Variants in RASGRP1 observed in about 807,000 individuals in gnomAD.
RASGRP1 encodes the protein RAS guanyl releasing protein 1, also known as RAS guanyl-releasing protein 1.
In RASGRP1, 37 loss-of-function variants were observed where a neutral mutation model predicts 95.1. That is an observed-to-expected ratio of 0.39 (90% CI 0.30 to 0.51). The LOEUF (loss-of-function observed/expected upper bound fraction) is 0.51, where lower values mean the gene tolerates loss of function less well. Ranked by LOEUF, RASGRP1 falls within the 20% of genes least tolerant of loss-of-function variation. RASGRP1 has a pLI of 0.80. For synonymous variants in RASGRP1, 325 were observed against 353.4 expected, an observed-to-expected ratio of 0.92 and a Z score of 0.90; for missense variants, 711 against 965.4, an observed-to-expected ratio of 0.74 and a Z score of 3.49.
At chr15:38,560,558 C>G (rs1005666123) in intron 1 of RASGRP1, among the ~76,000 whole-genome samples, 2 of 152,108 alleles carry the variant, frequency 1.3e-5, no homozygotes, top group Admixed American at 6.5e-5. Context: ...TCAGAATCAT[C>G]GTTAAGGACC....
intron 11 of RASGRP1, among the ~76,000 whole-genome samples, chr15:38,502,623 G>A (rs1891080947): frequency 6.6e-6 from 1 of 152,184 alleles, no homozygotes; most frequent in Non-Finnish European, 1.5e-5. Context: ...CATGTGGGGG[G>A]TGGCCATGTA....
At chr15:38,500,185 G>A in intron 13 of RASGRP1, 46 bp from the exon 14 acceptor site, 1 of 1,594,136 alleles carries the variant, frequency 6.3e-7, no homozygotes, top group Non-Finnish European at 8.6e-7. Context: ...TCATCCATCT[G>A]GTGTGAGGCT....
intron 3 of RASGRP1, among the ~76,000 whole-genome samples, chr15:38,521,293 G>A (rs938211469): frequency 6.6e-6 from 1 of 152,118 alleles, no homozygotes; most frequent in Non-Finnish European, 1.5e-5. Flanking sequence ...TTTTAAAGGG[G>A]AAGGCACAAA....
intron 3 of RASGRP1, among the ~76,000 whole-genome samples, chr15:38,524,784 G>A (rs1468591373): frequency 1.3e-5 from 2 of 152,078 alleles, no homozygotes; most frequent in African/African-American, 2.4e-5. Flanking sequence ...ACTTGAATGT[G>A]TTTTAGGCTG....
intron 15 of RASGRP1, among the ~76,000 whole-genome samples, chr15:38,498,187 G>A (rs986593544): frequency 6.6e-6 from 1 of 152,234 alleles, no homozygotes; most frequent in Non-Finnish European, 1.5e-5. Flanking sequence ...CAGTAAGTCT[G>A]GTTCTGGTCA....
chr15:38,534,773 C>T (rs577112782), intron 2 of RASGRP1: 1 of 152,398 alleles, frequency 6.6e-6, no homozygotes, highest in African/African-American at 2.4e-5. Flanking sequence ...CCCTCAACTC[C>T]TGTTGCAGAG....
In RASGRP1 at chr15:38,494,441, T is replaced by C; in HGVS notation, c.2200A>G (p.Ile734Val). Reference sequence around the variant, plus strand: ...TGACGGAGCTCCTCCTTTGATTTTATGAGGGAGTCTTTATTCTCCCACTTG... The same window carrying C: ...TGACGGAGCTCCTCCTTTGATTTTACGAGGGAGTCTTTATTCTCCCACTTG... The part of the protein sequence containing the change: ...FVKWENKDSL[I>V]KSKEELRHLR... The change falls in exon 16 of 17, where the codon ATA (isoleucine) becomes GTA (valine). Residue 734 changes from isoleucine (I) to valine (V), a missense_variant. Ile to Val is a conservative substitution (Grantham distance 29). This residue lies in a region of RASGRP1 where 212 missense variants were observed against 247.8 expected (regional missense o/e 0.86). Transcript: ENST00000310803. The C allele has an allele frequency of 6.2e-7, 1 of 1,613,636 alleles. No homozygotes were observed. The highest frequency in any genetic ancestry group is 8.5e-7 in the Non-Finnish European group (1 of 1,179,774).
intron 2 of RASGRP1, among the ~76,000 whole-genome samples, chr15:38,547,644 C>A (rs775941538): frequency 1.2e-4 from 19 of 152,290 alleles, no homozygotes; most frequent in South Asian, 2.1e-4. Flanking sequence ...TAAATTTCCA[C>A]CCAAAGTAAA....
intron 10 of RASGRP1, chr15:38,503,601 C>T (rs1278978430): frequency 2.4e-5 from 13 of 541,056 alleles, no homozygotes; most frequent in Admixed American, 1.7e-4. Flanking sequence ...ACATTATCTG[C>T]AGCTACAGAT....
intron 1 of RASGRP1, among the ~76,000 whole-genome samples, chr15:38,562,229 A>G (rs940519823): frequency 6.6e-6 from 1 of 152,246 alleles, no homozygotes. Flanking sequence ...CTTCAAAAGC[A>G]TAACTGGTAA....
chr15:38,560,428 T>C (rs1893757246), intron 1 of RASGRP1: 1 of 242,374 alleles, frequency 4.1e-6, no homozygotes, highest in Non-Finnish European at 8.2e-6. Context: ...ACGTCTGTAA[T>C]CCCAGCACCT....
At chr15:38,494,341 C>G in intron 16 of RASGRP1, 41 bp downstream of exon 16, 5 of 1,606,880 alleles carry the variant, frequency 3.1e-6, no homozygotes, top group East Asian at 4.5e-5. Flanking sequence ...CCCCACTTCT[C>G]TAAGATAGTC....
At chr15:38,564,473 C>T (rs1274601188) in intron 1 of RASGRP1, 121 bp downstream of exon 1, 14 of 944,160 alleles carry the variant, frequency 1.5e-5, no homozygotes, top group African/African-American at 1.8e-5. Context: ...TCCCGGGACT[C>T]CGGCCGACCC....
intron 2 of RASGRP1, among the ~76,000 whole-genome samples, chr15:38,535,863 T>C (rs955156785): frequency 2.0e-5 from 3 of 152,220 alleles, no homozygotes; most frequent in South Asian, 2.1e-4. Flanking sequence ...GGACTTGTCA[T>C]GTCTGAAGAA....
intron 3 of RASGRP1, among the ~76,000 whole-genome samples, chr15:38,520,695 G>A (rs1258839837): frequency 1.3e-5 from 2 of 152,022 alleles, no homozygotes; most frequent in Non-Finnish European, 2.9e-5. Flanking sequence ...ATTCAGGGAG[G>A]TATCTGAAGC....
Position 38,502,435 on chromosome 15 carries a change from G to GTT in RASGRP1, c.1429-16_1429-15dup. 6.6e-7 allele frequency: 1 copy of GTT among 1,511,774 alleles called. No homozygotes were observed. Among genetic ancestry groups the GTT allele is most frequent in the Non-Finnish European group, 9.2e-7 (1 of 1,090,376 alleles). 93.6% of individuals were successfully genotyped at this position (1,511,774 alleles called of 1,614,324 possible). ...CTTGAAGACAGACTGTGAAAAAGGAGTTTTTTTGGTGATTACTAAAGAGAA... is the reference window on the plus strand; with the variant it reads ...CTTGAAGACAGACTGTGAAAAAGGAGTTTTTTTTTGGTGATTACTAAAGAGAA... On this transcript the variant is annotated splice_polypyrimidine_tract_variant and intron_variant, in intron 11 of 16. Coordinates refer to ENST00000310803, the MANE Select transcript of RASGRP1 (RefSeq NM_005739.4).
chr15:38,531,684 G>C (rs1892444681), intron 2 of RASGRP1, among the ~76,000 whole-genome samples: 1 of 152,120 alleles, frequency 6.6e-6, no homozygotes, highest in Admixed American at 6.5e-5. Context: ...TGGTAAGGCT[G>C]GCAGAGGATG....
At chr15:38,557,171 G>A (rs1241120770) in intron 2 of RASGRP1, among the ~76,000 whole-genome samples, 1 of 152,124 alleles carries the variant, frequency 6.6e-6, no homozygotes, top group Non-Finnish European at 1.5e-5. Flanking sequence ...GGAAGCACAG[G>A]CATATATTTT....
intron 2 of RASGRP1, among the ~76,000 whole-genome samples, chr15:38,541,035 G>A (rs1321651101): frequency 2.0e-5 from 3 of 152,208 alleles, no homozygotes; most frequent in Non-Finnish European, 2.9e-5. Flanking sequence ...GCAGAGCAGA[G>A]CAGACCATGA....
Sources: allele counts gnomAD v4.1 joint callset (sites outside exome capture counted in the v4.1 genomes callset), GRCh38; gene constraint gnomAD v4.1.1; regional missense constraint gnomAD v4.1.1; transcripts MANE v1.5; gene names NCBI Gene and HGNC (gene_info 2026-07-23, HGNC 2026-07-21).